FTL: variants seen among roughly 807,000 people sequenced by gnomAD.
FTL encodes the protein epididymis secretory sperm binding protein.
FTL carries 17 observed loss-of-function variants against 16.6 expected under a neutral mutation model. The observed-to-expected ratio is 1.02, with a 90% CI of 0.70 to 1.53. The LOEUF (loss-of-function observed/expected upper bound fraction) is 1.53, where lower values mean the gene tolerates loss of function less well. Ranked by LOEUF, FTL falls within the 40% of genes most tolerant of loss-of-function variation. The pLI is 0.00. For synonymous variants in FTL, 73 were observed against 89.9 expected, an observed-to-expected ratio of 0.81 and a Z score of 1.06; for missense variants, 186 against 226.1, an observed-to-expected ratio of 0.82 and a Z score of 1.14.
chr19:48,966,657 C>T lies in FTL; in HGVS notation c.450C>T (p.Thr150=). Residue 150 remains threonine, a synonymous_variant, in exon 4 of 4, where the codon ACC becomes ACT. Transcript: ENST00000331825. The stretch of plus-strand genomic sequence containing the variant: ...TCAAGAAGATGGGTGACCACCTGAC[C>T]AACCTCCACAGGCTGGGTGGCCCGG... ...KLIKKMGDHL[T]NLHRLGGPEA... 6.2e-7 allele frequency: 1 copy of T among 1,613,906 alleles called. No individual in the cohort carries two copies. The highest frequency in any genetic ancestry group is 8.5e-7 in the Non-Finnish European group (1 of 1,179,978).
rs763439334 is a variant in FTL, at chr19:48,965,840, A to T, written c.173A>T (p.Glu58Val). 15 of 1,614,086 alleles carry T rather than the reference A, an allele frequency of 9.3e-6. No individual in the cohort carries two copies. Among genetic ancestry groups the T allele is most frequent in the Admixed American group, 1.7e-5 (1 of 59,998 alleles). The change falls in exon 2 of 4, where the codon GAG (glutamate) becomes GTG (valine). Residue 58 changes from glutamate to valine, a missense_variant. Physicochemically the swap from Glu to Val is moderately radical, Grantham distance 121. Transcript: ENST00000331825. ...VSHFFRELAE[E>V]KREGYERLLK... ...CACTTCTTCCGCGAATTGGCCGAGG[A>T]GAAGCGCGAGGGCTACGAGCGTCTC...
At chr19:48,965,946 C>T in intron 2 of FTL, 30 bp downstream of exon 2, 8 of 1,612,350 alleles carry the variant, frequency 5.0e-6, no homozygotes, top group Non-Finnish European at 5.9e-6. Flanking sequence ...TGGACTACAT[C>T]TCCCAGCAGG....
At chr19:48,966,030 T>G in intron 2 of FTL, 114 bp downstream of exon 2, 1 of 1,396,690 alleles carries the variant, frequency 7.2e-7, no homozygotes, top group South Asian at 1.2e-5. Flanking sequence ...TTCGGTCTTG[T>G]GAGCCCTCTT....
At chr19:48,965,645 C>T (rs1228443492) in intron 1 of FTL, 36 bp downstream of exon 1, 2 of 1,601,284 alleles carry the variant, frequency 1.2e-6, no homozygotes, top group Admixed American at 1.7e-5. Flanking sequence ...CTAATTTCCT[C>T]CAGCTGCGCA....
Position 48,965,834 on chromosome 19 carries a change from C to T in FTL, c.167C>T (p.Ala56Val). ...GTGAGCCACTTCTTCCGCGAATTGGCCGAGGAGAAGCGCGAGGGCTACGAG... is the reference window on the plus strand; with the variant it reads ...GTGAGCCACTTCTTCCGCGAATTGGTCGAGGAGAAGCGCGAGGGCTACGAG... ...EGVSHFFREL[A>V]EEKREGYERL... Residue 56 changes from alanine to valine, a missense_variant, in exon 2 of 4, where the codon GCC becomes GTC. By Grantham distance (64) the Ala-to-Val change is moderately conservative (BLOSUM62 0). Coordinates refer to ENST00000331825, the MANE Select transcript of FTL (RefSeq NM_000146.4). The T allele has an allele frequency of 1.9e-6, 3 of 1,614,158 alleles. No individual in the cohort carries two copies. The highest frequency in any genetic ancestry group is 1.6e-4 in the Middle Eastern group (1 of 6,062).
At position 48,965,782 on chromosome 19, in the gene FTL, G is replaced by T; in HGVS notation, c.115G>T (p.Asp39Tyr). 2 of 1,614,006 alleles carry T rather than the reference G, an allele frequency of 1.2e-6. No individual in the cohort carries two copies. Among genetic ancestry groups the T allele is most frequent in the South Asian group, 2.2e-5 (2 of 91,002 alleles). The change falls in exon 2 of 4, where the codon GAC becomes TAC. Residue 39 changes from aspartate to tyrosine, a missense_variant. Asp to Tyr is a radical substitution (Grantham distance 160). Transcript: ENST00000331825. The part of the protein sequence containing the change: ...YTYLSLGFYF[D>Y]RDDVALEGVS... ...TCTCTTCCCGTAGGGCTTCTATTTC[G>T]ACCGCGATGATGTGGCTCTGGAAGG...
Position 48,965,421 on chromosome 19 carries a change from A to C in FTL, c.-87A>C, listed in dbSNP as rs11553245. ...CCCTCCGATTTCCTCTCCGCTTGCA[A>C]CCTCCGGGACCATCTTCTCGGCCAT... On this transcript the variant is annotated 5_prime_UTR_variant, in exon 1 of 4. Transcript: ENST00000331825. 2 of 889,268 alleles carry C rather than the reference A, an allele frequency of 2.2e-6. No individual in the cohort carries two copies. The highest frequency in any genetic ancestry group is 3.7e-6 in the Non-Finnish European group (2 of 533,514). The allele number at this position is 889,268 out of a possible 1,614,324, so 55.1% of individuals were successfully genotyped here. A position where few individuals can be genotyped will look rare whatever the true frequency, so the allele number is the denominator to read the frequency against.
Position 48,965,762 on chromosome 19 carries a change from T to TC in FTL, c.103-5dup, listed in dbSNP as rs1246253794. On this transcript the variant is annotated splice_polypyrimidine_tract_variant and splice_region_variant and intron_variant, in intron 1 of 3. Transcript: ENST00000331825. ...GCTAACCATTGTTGCCTCCATCTCT[T>TC]CCCGTAGGGCTTCTATTTCGACCGC... 3.7e-6 allele frequency: 6 copies of TC among 1,614,086 alleles called. No homozygotes were observed. The highest frequency in any genetic ancestry group is 5.1e-6 in the Non-Finnish European group (6 of 1,180,010).
rs1295333120 is a variant in FTL, at chr19:48,966,283, G to A, written c.252G>A (p.Lys84=). 6.2e-7 allele frequency: 1 copy of A among 1,613,980 alleles called. No individual in the cohort carries two copies. Among genetic ancestry groups the A allele is most frequent in the Non-Finnish European group, 8.5e-7 (1 of 1,180,042 alleles). ...AGCCATTTCTCCCTTCTATATAGAA[G>A]CCAGCTGAAGATGAGTGGGGTAAAA... ...GGRALFQDIK[K]PAEDEWGKTP... Residue 84 remains lysine (K), a splice_region_variant and synonymous_variant, in exon 3 of 4, where the codon AAG becomes AAA. Transcript: ENST00000331825.
chr19:48,965,418 G>C lies in FTL; in HGVS notation c.-90G>C, dbSNP rs1600120979. 1.2e-6 allele frequency: 1 copy of C among 868,462 alleles called. No homozygotes were observed. 53.8% of individuals were successfully genotyped at this position (868,462 alleles called of 1,614,324 possible). Reference sequence around the variant, plus strand: ...CCGCCCTCCGATTTCCTCTCCGCTTGCAACCTCCGGGACCATCTTCTCGGC... The same window carrying C: ...CCGCCCTCCGATTTCCTCTCCGCTTCCAACCTCCGGGACCATCTTCTCGGC... On this transcript the variant is annotated 5_prime_UTR_variant, in exon 1 of 4. Coordinates refer to ENST00000331825, the MANE Select transcript of FTL (RefSeq NM_000146.4).
chr19:48,966,131 G>A (rs2038450952), intron 2 of FTL, 150 bp from the exon 3 acceptor site: 1 of 1,305,384 alleles, frequency 7.7e-7, no homozygotes, highest in Non-Finnish European at 1.1e-6. Flanking sequence ...ATAGCTGTAA[G>A]AGCTAGGACA....
chr19:48,966,788 T>G lies in FTL; in HGVS notation c.*53T>G, dbSNP rs1181907910. The G allele has an allele frequency of 6.3e-7, 1 of 1,590,384 alleles. No homozygotes were observed. Among genetic ancestry groups the G allele is most frequent in the Admixed American group, 1.7e-5 (1 of 59,644 alleles). On this transcript the variant is annotated 3_prime_UTR_variant, in exon 4 of 4. Transcript: ENST00000331825. ...AGGGCCCCTTGCAAAGTAATAGGGC[T>G]TCTGCCTAAGCCTCTCCCTCCAGCC...
At chr19:48,966,185 GC>G in intron 2 of FTL, 95 bp from the exon 3 acceptor site, 1 of 1,552,740 alleles carries the variant, frequency 6.4e-7, no homozygotes. Flanking sequence ...TGTCTTTGTG[GC>G]CTGGGCCTCT....
chr19:48,965,615 TC>T lies in FTL; in HGVS notation c.102+10del. ...CCTACACCTACCTCTCTCTGGTGAG[TC>T]CCCAGGACGCCCCTGGCCCTAATTT... On this transcript the variant is annotated splice_region_variant and intron_variant, in intron 1 of 3. Coordinates refer to ENST00000331825, the MANE Select transcript of FTL (RefSeq NM_000146.4). The T allele has an allele frequency of 6.2e-7, 1 of 1,610,126 alleles. No homozygotes were observed. The highest frequency in any genetic ancestry group is 8.5e-7 in the Non-Finnish European group (1 of 1,176,430).
chr19:48,965,698 G>T (rs1484015503), intron 1 of FTL, 72 bp from the exon 2 acceptor site: 1 of 1,608,984 alleles, frequency 6.2e-7, no homozygotes, highest in Non-Finnish European at 8.5e-7. Context: ...TTGTGCGGTC[G>T]GGTAAACAGA....
rs551467958 is a variant in FTL at position 48,965,908 on chromosome 19, G to T, written c.241G>T (p.Asp81Tyr). Reference sequence around the variant, plus strand: ...GCGTGGCGGCCGCGCTCTCTTCCAGGACATCAAGGTAACTAGTGTGTGGGT... The same window carrying T: ...GCGTGGCGGCCGCGCTCTCTTCCAGTACATCAAGGTAACTAGTGTGTGGGT... ...NQRGGRALFQ[D>Y]IKKPAEDEWG... The change falls in exon 2 of 4, where the codon GAC becomes TAC. Residue 81 changes from aspartate to tyrosine, a missense_variant. Physicochemically the swap from Asp to Tyr is radical, Grantham distance 160. Transcript: ENST00000331825. 1 of 1,614,106 alleles carries T rather than the reference G, an allele frequency of 6.2e-7. No individual in the cohort carries two copies. The highest frequency in any genetic ancestry group is 1.1e-5 in the South Asian group (1 of 91,066).
Position 48,965,917 on chromosome 19 carries a change from G to T in FTL, c.249+1G>T. The T allele has an allele frequency of 6.2e-7, 1 of 1,614,044 alleles. No homozygotes were observed. The highest frequency in any genetic ancestry group is 8.5e-7 in the Non-Finnish European group (1 of 1,179,948). ...CCGCGCTCTCTTCCAGGACATCAAG[G>T]TAACTAGTGTGTGGGTAATGGACTA... On this transcript the variant is annotated splice_donor_variant, in intron 2 of 3. Transcript: ENST00000331825. LOFTEE classifies it high-confidence loss of function.
intron 2 of FTL, 55 bp downstream of exon 2, chr19:48,965,971 A>G: frequency 6.3e-7 from 1 of 1,599,282 alleles, no homozygotes; most frequent in Non-Finnish European, 8.5e-7. Flanking sequence ...GCGCGCGAGG[A>G]GCCTTGATTT....
At position 48,966,285 on chromosome 19, in the gene FTL, C is replaced by T. The variant is rs769785934; in HGVS notation, c.254C>T (p.Pro85Leu). 11 of 1,613,924 alleles carry T rather than the reference C, an allele frequency of 6.8e-6. No individual in the cohort carries two copies. Among genetic ancestry groups the T allele is most frequent in the South Asian group, 1.1e-5 (1 of 91,072 alleles). ...GRALFQDIKK[P>L]AEDEWGKTPD... ...CCATTTCTCCCTTCTATATAGAAGC[C>T]AGCTGAAGATGAGTGGGGTAAAACC... Residue 85 changes from proline to leucine, a missense_variant, in exon 3 of 4, where the codon CCA (proline) becomes CTA (leucine). Physicochemically the swap from Pro to Leu is moderately conservative, Grantham distance 98. Coordinates refer to ENST00000331825, the MANE Select transcript of FTL (RefSeq NM_000146.4).
Sources: gnomAD v4.1 joint callset for allele counts on GRCh38, gnomAD v4.1.1 for gene constraint, MANE v1.5 for transcripts, NCBI Gene and HGNC (gene_info 2026-07-23, HGNC 2026-07-21) for gene names.